ENTPD1: variants seen among roughly 807,000 people sequenced by gnomAD.
The protein encoded by ENTPD1 is ectonucleoside triphosphate diphosphohydrolase 1.
A neutral mutation model predicts 57.0 loss-of-function variants in ENTPD1; 33 were observed. That is an observed-to-expected ratio of 0.58 (90% CI 0.44 to 0.77). ENTPD1 has a LOEUF of 0.77. Among genes scored for constraint, ENTPD1 ranks in the 30% least tolerant of loss-of-function variants. ENTPD1 has a pLI of 0.00. For missense variants in ENTPD1, 501 were observed against 603.4 expected (o/e 0.83, Z 1.78); for synonymous variants, 202 against 218.8 (o/e 0.92, Z 0.68).
At chr10:95,755,317 G>A (rs1252251783), upstream of ENTPD1, 1 of 201,308 alleles carries the variant, frequency 5.0e-6, no homozygotes, top group African/African-American at 2.3e-5. Context: ...CAACAGCCTT[G>A]TGGAGGGAGA....
intron 1 of ENTPD1, among the ~76,000 whole-genome samples, chr10:95,732,768 A>G (rs927778905): frequency 1.3e-5 from 2 of 152,176 alleles, no homozygotes; most frequent in Non-Finnish European, 2.9e-5. Context: ...GGCAGGTTCC[A>G]TGATGCCCCC....
At chr10:95,797,615 A>G (rs2098231809) in intron 1 of ENTPD1, among the ~76,000 whole-genome samples, 2 of 152,200 alleles carry the variant, frequency 1.3e-5, no homozygotes, top group Admixed American at 6.5e-5. Flanking sequence ...GAAGCTTACA[A>G]TTGTGGCAGA....
rs1337667208 is a variant in ENTPD1, at chr10:95,791,182, A to G, written c.17-32055A>G. ...ATGAGTATCTAAAATGATGAGTCAT[A>G]TTTAAACAGTGTTAATGTTTAGTTT... On this transcript the variant is annotated intron_variant, in intron 1 of 9. Coordinates refer to ENST00000371205, the MANE Select transcript of ENTPD1 (RefSeq NM_001776.6). The surrounding 1 kb of genome is among the most constrained non-coding windows in gnomAD (Gnocchi z 4.1). Among the ~76,000 whole-genome samples the G allele has an allele frequency of 6.6e-6, 1 of 152,212 alleles. No homozygotes were observed. The highest frequency in any genetic ancestry group is 1.5e-5 in the Non-Finnish European group (1 of 68,046).
chr10:95,868,801 CTT>C lies in ENTPD1; in HGVS notation c.*2421_*2422del. The C allele has an allele frequency of 3.0e-6, 3 of 985,332 alleles. No homozygotes were observed. The highest frequency in any genetic ancestry group is 3.6e-6 in the Non-Finnish European group (3 of 829,924). The allele number at this position is 985,332 out of a possible 1,614,324, so 61.0% of individuals were successfully genotyped here. A position where few individuals can be genotyped will look rare whatever the true frequency, so the allele number is the denominator to read the frequency against. On this transcript the variant is annotated 3_prime_UTR_variant, in exon 10 of 10. Coordinates refer to ENST00000371205, the MANE Select transcript of ENTPD1 (RefSeq NM_001776.6). ...CAAGTCTCCTTCAGAGAACACAAAT[CTT>C]TTCTTATTCCATTCCTGTTTGGTTG...
At chr10:95,861,293 T>A (rs2098464912) in intron 8 of ENTPD1, 1 of 152,488 alleles carries the variant, frequency 6.6e-6, no homozygotes, top group African/African-American at 2.4e-5. Flanking sequence ...GAAGCACAAT[T>A]TTTTTCTTAT....
intron 6 of ENTPD1, 30 bp from the exon 7 acceptor site, chr10:95,847,416 A>G (rs369399044): frequency 8.7e-6 from 14 of 1,613,494 alleles, no homozygotes; most frequent in East Asian, 2.2e-5. Flanking sequence ...GCGTTCACAC[A>G]TGATGCTTTC....
chr10:95,773,744 T>C (rs1415316440), intron 1 of ENTPD1, among the ~76,000 whole-genome samples: 1 of 152,202 alleles, frequency 6.6e-6, no homozygotes, highest in Admixed American at 6.5e-5. Flanking sequence ...TGATGAACAT[T>C]TGGGTTGGTT....
At chr10:95,711,770 C>T, upstream of ENTPD1, 2 of 707,108 alleles carry the variant, frequency 2.8e-6, no homozygotes, top group African/African-American at 1.8e-5. Flanking sequence ...CTTCATTCTG[C>T]AGTCTCCTGT....
chr10:95,696,528 C>T, the ENTPD1 span, among the ~76,000 whole-genome samples: 1 of 152,206 alleles, frequency 6.6e-6, no homozygotes, highest in Non-Finnish European at 1.5e-5. Flanking sequence ...GATCTGCCTG[C>T]CTCAGCCTCC....
In ENTPD1 at chr10:95,873,615, G is replaced by A. The variant is rs1590238235; in HGVS notation, c.*7232G>A. On this transcript the variant is annotated 3_prime_UTR_variant, in exon 10 of 10. Transcript: ENST00000371205. ...TGGTTTCTTATTACTCCTGTCTATGGATGTTTCCTTCTGTCACTCTACTAG... is the reference window on the plus strand; with the variant it reads ...TGGTTTCTTATTACTCCTGTCTATGAATGTTTCCTTCTGTCACTCTACTAG... 1 of 985,444 alleles carries A rather than the reference G, an allele frequency of 1.0e-6. No homozygotes were observed. The highest frequency in any genetic ancestry group is 1.7e-5 in the African/African-American group (1 of 57,358). The allele number at this position is 985,444 out of a possible 1,614,324, so 61.0% of individuals were successfully genotyped here.
At chr10:95,722,218 A>G (rs888709517) in intron 1 of ENTPD1, among the ~76,000 whole-genome samples, 1 of 146,420 alleles carries the variant, frequency 6.8e-6, no homozygotes. Context: ...CCTATCAATT[A>G]CTGAATACCC....
chr10:95,844,673 G>A, intron 5 of ENTPD1, 38 bp downstream of exon 5: 1 of 1,613,294 alleles, frequency 6.2e-7, no homozygotes. Flanking sequence ...TGGCTCTCTG[G>A]AGGCCAATGC....
In ENTPD1 at chr10:95,756,661, G is replaced by A. The variant is rs959401438; in HGVS notation, c.16+406G>A. ...GATGCTGGGCTCTGCGTGTAGATTT[G>A]TTTTGTTCTCGAATTTCTTGCATGC... On this transcript the variant is annotated intron_variant, in intron 1 of 9. Transcript: ENST00000371205. 11 of 177,338 alleles carry A rather than the reference G, an allele frequency of 6.2e-5. No individual in the cohort carries two copies. In the South Asian group the frequency reaches 1.4e-3, roughly 23 times the overall value. 11.0% of individuals were successfully genotyped at this position (177,338 alleles called of 1,614,324 possible).
chr10:95,746,945 CA>C (rs1374899197), intron 1 of ENTPD1, among the ~76,000 whole-genome samples: 1 of 152,134 alleles, frequency 6.6e-6, no homozygotes, highest in Non-Finnish European at 1.5e-5. Flanking sequence ...AATTTGTTGA[CA>C]ACTTTGGTTT....
rs1425980146 is a variant in ENTPD1 at position 95,874,045 on chromosome 10, T to C, written c.*7662T>C. ...TTTGGGTGGGGACACAGCCAAACCA[T>C]ATCATTCCTCCCTGGGCTCCTCCAA... On this transcript the variant is annotated 3_prime_UTR_variant, in exon 10 of 10. Coordinates refer to ENST00000371205, the MANE Select transcript of ENTPD1 (RefSeq NM_001776.6). Among the ~76,000 whole-genome samples, 1 of 152,132 alleles carries C rather than the reference T, an allele frequency of 6.6e-6. No individual in the cohort carries two copies. The highest frequency in any genetic ancestry group is 1.9e-4 in the East Asian group (1 of 5,198).
At position 95,875,070 on chromosome 10, in the gene ENTPD1, T is replaced by C. The variant is rs1312885579; in HGVS notation, c.*8687T>C. On this transcript the variant is annotated 3_prime_UTR_variant, in exon 10 of 10. Coordinates refer to ENST00000371205, the MANE Select transcript of ENTPD1 (RefSeq NM_001776.6). ...ACATGACCTGGAGACATTTTCCCCA[T>C]GGTCTTGGGGATTAACATTAGGCTC... 6.6e-6 allele frequency: 1 copy of C among 152,198 alleles called. No homozygotes were observed. The highest frequency in any genetic ancestry group is 1.5e-5 in the Non-Finnish European group (1 of 68,036). 9.4% of individuals were successfully genotyped at this position (152,198 alleles called of 1,614,324 possible).
intron 1 of ENTPD1, among the ~76,000 whole-genome samples, chr10:95,815,994 G>A (rs2098328879): frequency 6.6e-6 from 1 of 152,096 alleles, no homozygotes; most frequent in South Asian, 2.1e-4. Flanking sequence ...TTACCTCCTT[G>A]AGCACACAGT....
chr10:95,843,241 A>C (rs1330251588), intron 4 of ENTPD1: 1 of 152,266 alleles, frequency 6.6e-6, no homozygotes, highest in Admixed American at 6.5e-5. Context: ...CTGAGGATAC[A>C]ACAGTGAACA....
chr10:95,763,214 C>T (rs1436993151), intron 1 of ENTPD1, among the ~76,000 whole-genome samples: 1 of 152,076 alleles, frequency 6.6e-6, no homozygotes, highest in Non-Finnish European at 1.5e-5. Flanking sequence ...TGTGAGCCAC[C>T]ACACCCGGCC....
Sources: gnomAD v4.1 joint callset for allele counts (sites outside exome capture counted in the v4.1 genomes callset) on GRCh38, gnomAD v4.1.1 for gene constraint, Gnocchi (gnomAD v3.1) non-coding constraint, MANE v1.5 for transcripts, NCBI Gene and HGNC (gene_info 2026-07-23, HGNC 2026-07-21) for gene names.